The following DLG2 variants were observed in gnomAD, a reference collection of about 807,000 sequenced individuals.
DLG2 encodes disks large homolog 2.
DLG2 carries 45 observed loss-of-function variants against 132.5 expected under a neutral mutation model. That is an observed-to-expected ratio of 0.34 (90% CI 0.27 to 0.44). The LOEUF (loss-of-function observed/expected upper bound fraction) is 0.44, where lower values mean the gene tolerates loss of function less well. Among genes scored for constraint, DLG2 ranks in the 20% least tolerant of loss-of-function variants. The probability of loss-of-function intolerance (pLI) is 1.00; values close to 1 mark genes in which losing one functional copy is unlikely to be tolerated. For missense variants in DLG2, 1,045 were observed against 1,196.9 expected, an observed-to-expected ratio of 0.87 and a Z score of 1.87; for synonymous variants, 424 against 419.6, an observed-to-expected ratio of 1.01 and a Z score of -0.13.
In DLG2 at chr11:85,314,196, G is replaced by T. The variant is rs142902861; in HGVS notation, c.41-28831C>A. Among the ~76,000 whole-genome samples, 863 of 152,020 alleles carry T rather than the reference G, an allele frequency of 5.7e-3. 3 individuals are homozygous for T. The highest frequency in any genetic ancestry group is 8.8e-3 in the Non-Finnish European group (601 of 67,912). On this transcript the variant is annotated intron_variant, in intron 3 of 27. Coordinates refer to ENST00000376104, the MANE Select transcript of DLG2 (RefSeq NM_001142699.3). ...AAACTGGCTCCTGATTTTCTGGATA[G>T]TATAGGAGATAAAAACACAAAGTAA...
In DLG2 at chr11:84,868,490, C is replaced by A. The variant is rs186468540; in HGVS notation, c.357+243171G>T. On this transcript the variant is annotated intron_variant, in intron 6 of 27. Transcript: ENST00000376104. ...TGAGTTTTAAAAGTCTATTTCGTAA[C>A]CAGAGAAACAGAAATAACTCCCTGT... Among the ~76,000 whole-genome samples the A allele has an allele frequency of 2.4e-3, 358 of 152,088 alleles. 1 individual carries two copies. Among genetic ancestry groups the A allele is most frequent in the Admixed American group, 5.8e-3 (88 of 15,270 alleles).
intron 6 of DLG2, among the ~76,000 whole-genome samples, chr11:84,807,397 G>A (rs1160218883): frequency 2.0e-5 from 3 of 152,132 alleles, no homozygotes; most frequent in African/African-American, 7.2e-5. Context: ...AGTGAGCCGA[G>A]ATTGTGCCAT....
intron 7 of DLG2, among the ~76,000 whole-genome samples, chr11:84,335,445 C>T (rs775737289): frequency 2.6e-5 from 4 of 152,154 alleles, no homozygotes; most frequent in African/African-American, 4.8e-5. Flanking sequence ...GGAACTGCTA[C>T]AATATTTGAG....
At chr11:84,292,458 G>A (rs1402571817) in intron 7 of DLG2, among the ~76,000 whole-genome samples, 3 of 152,146 alleles carry the variant, frequency 2.0e-5, no homozygotes, top group African/African-American at 7.2e-5. Context: ...GTAAGATGAG[G>A]TTAGCTAGGA....
At chr11:85,235,690 A>G (rs2075550318) in intron 4 of DLG2, among the ~76,000 whole-genome samples, 2 of 151,946 alleles carry the variant, frequency 1.3e-5, no homozygotes, top group Admixed American at 1.3e-4. Context: ...TGACATAAGT[A>G]TTTATAATTA....
chr11:84,801,706 G>T (rs2153958184), intron 6 of DLG2, among the ~76,000 whole-genome samples: 1 of 152,290 alleles, frequency 6.6e-6, no homozygotes, highest in African/African-American at 2.4e-5. Flanking sequence ...GTGAAAAGAG[G>T]TGTTGTGATC....
At chr11:85,439,019 G>A (rs1404423140) in intron 3 of DLG2, among the ~76,000 whole-genome samples, 4 of 152,102 alleles carry the variant, frequency 2.6e-5, no homozygotes, top group African/African-American at 9.7e-5. Context: ...TATATTAATA[G>A]TTTCTTCCTT....
chr11:84,431,049 A>C (rs2154473062), intron 7 of DLG2, among the ~76,000 whole-genome samples: 1 of 152,306 alleles, frequency 6.6e-6, no homozygotes, highest in Admixed American at 6.5e-5. Flanking sequence ...AGGACTGGTG[A>C]ATCTTCAATA....
At chr11:84,516,540 G>A (rs565545803) in intron 7 of DLG2, among the ~76,000 whole-genome samples, 1 of 151,666 alleles carries the variant, frequency 6.6e-6, no homozygotes, top group South Asian at 2.1e-4. Flanking sequence ...AACCTGAATA[G>A]ATCAAAAACA....
chr11:85,354,794 T>C lies in DLG2; in HGVS notation c.41-69429A>G, dbSNP rs543341752. ...GCATGTGCACACTTACCCATTCTTATGAATATTAATTTTTCAAATGCTTTT... is the reference window on the plus strand; with the variant it reads ...GCATGTGCACACTTACCCATTCTTACGAATATTAATTTTTCAAATGCTTTT... On this transcript the variant is annotated intron_variant, in intron 3 of 27. Transcript: ENST00000376104. Among the ~76,000 whole-genome samples the C allele has an allele frequency of 4.7e-4, 72 of 151,932 alleles. 2 individuals are homozygous for C. Among genetic ancestry groups the C allele is most frequent in the African/African-American group, 1.6e-3 (66 of 41,480 alleles).
At chr11:84,777,176 T>A (rs970378721) in intron 6 of DLG2, among the ~76,000 whole-genome samples, 4 of 151,350 alleles carry the variant, frequency 2.6e-5, no homozygotes, top group Non-Finnish European at 5.9e-5. Context: ...TTTCTGTGTT[T>A]CACTTAATGA....
chr11:83,862,960 T>C (rs2061688010), intron 16 of DLG2, among the ~76,000 whole-genome samples: 1 of 152,076 alleles, frequency 6.6e-6, no homozygotes, highest in African/African-American at 2.4e-5. Flanking sequence ...TGAAGGACTT[T>C]TGCACTCAGT....
intron 17 of DLG2, among the ~76,000 whole-genome samples, chr11:83,800,803 G>A (rs186168101): frequency 1.1e-4 from 16 of 152,274 alleles, no homozygotes; most frequent in Non-Finnish European, 1.5e-5. Context: ...CTGAAAGACA[G>A]TAAGATCTAG....
At chr11:83,710,034 T>C (rs901858005) in intron 18 of DLG2, among the ~76,000 whole-genome samples, 3 of 152,016 alleles carry the variant, frequency 2.0e-5, no homozygotes, top group African/African-American at 4.8e-5. Flanking sequence ...AAGTGTAACA[T>C]GAAAATAGGG....
At chr11:83,488,489 T>A (rs1184529493) in intron 21 of DLG2, among the ~76,000 whole-genome samples, 1 of 151,976 alleles carries the variant, frequency 6.6e-6, no homozygotes, top group Non-Finnish European at 1.5e-5. Context: ...CTCAAATTAT[T>A]TTCCTACTCA....
At chr11:85,468,208 CTTT>C (rs1225102929) in intron 3 of DLG2, among the ~76,000 whole-genome samples, 2 of 151,534 alleles carry the variant, frequency 1.3e-5, no homozygotes, top group African/African-American at 4.9e-5. Context: ...CTCCTTTCTT[CTTT>C]ATTAGTCTTG....
intron 6 of DLG2, among the ~76,000 whole-genome samples, chr11:84,695,331 T>C (rs2058507156): frequency 6.6e-6 from 1 of 151,584 alleles, no homozygotes; most frequent in Admixed American, 6.6e-5. Context: ...TCTGTTCAAC[T>C]TGCATTGCTT....
At chr11:85,186,659 T>C (rs2080122368) in intron 4 of DLG2, among the ~76,000 whole-genome samples, 1 of 152,112 alleles carries the variant, frequency 6.6e-6, no homozygotes, top group African/African-American at 2.4e-5. Context: ...TGTATTCATG[T>C]TGTGATAATT....
rs1274220312 is a variant in DLG2 at position 84,656,202 on chromosome 11, G to A, written c.358-121471C>T. On this transcript the variant is annotated intron_variant, in intron 6 of 27. Transcript: ENST00000376104. ...ACAGGTTGGAATCATGATGCATTCA[G>A]TTCCAATTTATCATCAGTAGCAAAT... Among the ~76,000 whole-genome samples the A allele has an allele frequency of 2.0e-5, 3 of 152,236 alleles. No homozygotes were observed. The East Asian group carries it at 5.8e-4, about 30-fold the overall frequency.
Sources: allele counts gnomAD v4.1 joint callset (sites outside exome capture counted in the v4.1 genomes callset), GRCh38; gene constraint gnomAD v4.1.1; transcripts MANE v1.5; gene names NCBI Gene and HGNC (gene_info 2026-07-23, HGNC 2026-07-21).